MGAT4C: variants seen among roughly 807,000 people sequenced by gnomAD.
The protein encoded by MGAT4C is alpha-1,3-mannosyl-glycoprotein 4-beta-N-acetylglucosaminyltransferase C.
MGAT4C carries 19 observed loss-of-function variants against 40.1 expected under a neutral mutation model. That is an observed-to-expected ratio of 0.47 (90% CI 0.33 to 0.70). The LOEUF (loss-of-function observed/expected upper bound fraction) is 0.70, where lower values mean the gene tolerates loss of function less well. Ranked by LOEUF, MGAT4C falls within the 30% of genes least tolerant of loss-of-function variation. MGAT4C has a pLI of 0.02. For missense variants in MGAT4C, 491 were observed against 563.2 expected, an observed-to-expected ratio of 0.87 and a Z score of 1.30; for synonymous variants, 181 against 187.1, an observed-to-expected ratio of 0.97 and a Z score of 0.27.
chr12:86,686,797 T>C (rs1438003475), intron 2 of MGAT4C, among the ~76,000 whole-genome samples: 1 of 152,226 alleles, frequency 6.6e-6, no homozygotes, highest in Non-Finnish European at 1.5e-5. Context: ...TGAATTTTTC[T>C]CTTTTTGTTA....
At chr12:86,517,602 A>G (rs911573363) in intron 2 of MGAT4C, among the ~76,000 whole-genome samples, 5 of 152,112 alleles carry the variant, frequency 3.3e-5, no homozygotes, top group Admixed American at 6.6e-5. Context: ...TTTTGAGAGC[A>G]GAGCAAAGTG....
At chr12:86,180,891 G>A (rs1223335896) in intron 1 of MGAT4C, among the ~76,000 whole-genome samples, 1 of 152,114 alleles carries the variant, frequency 6.6e-6, no homozygotes, top group Non-Finnish European at 1.5e-5. Context: ...TGTTGAGAAG[G>A]CATGATTGAT....
intron 2 of MGAT4C, among the ~76,000 whole-genome samples, chr12:86,518,480 C>T (rs887523299): frequency 1.7e-4 from 26 of 152,180 alleles, no homozygotes; most frequent in African/African-American, 6.3e-4. Context: ...CAAATTAGCA[C>T]ATCAGTGAGA....
At chr12:85,997,476 C>T (rs1340085137) in intron 2 of MGAT4C, among the ~76,000 whole-genome samples, 2 of 152,170 alleles carry the variant, frequency 1.3e-5, no homozygotes, top group South Asian at 2.1e-4. Flanking sequence ...TCCAAAGTCT[C>T]ATCCGAGACA....
intron 3 of MGAT4C, among the ~76,000 whole-genome samples, chr12:86,397,185 C>A (rs894848334): frequency 5.9e-5 from 9 of 152,062 alleles, no homozygotes; most frequent in Non-Finnish European, 1.2e-4. Flanking sequence ...TTATGGAGAG[C>A]AGAAAATGAG....
chr12:86,289,130 G>C (rs955403766), intron 4 of MGAT4C, among the ~76,000 whole-genome samples: 3 of 152,114 alleles, frequency 2.0e-5, no homozygotes, highest in African/African-American at 7.2e-5. Flanking sequence ...CCTAGAGCTA[G>C]CAAGTTATCC....
intron 1 of MGAT4C, among the ~76,000 whole-genome samples, chr12:86,157,407 G>T (rs1395436677): frequency 2.0e-5 from 3 of 152,022 alleles, no homozygotes; most frequent in Non-Finnish European, 4.4e-5. Flanking sequence ...TAAAGGCAAT[G>T]CTTAAAGAAC....
chr12:86,212,659 C>G lies in MGAT4C; in HGVS notation c.-57+43580G>C, dbSNP rs1327212355. On this transcript the variant is annotated intron_variant, in intron 1 of 4. Coordinates refer to ENST00000611864, the MANE Select transcript of MGAT4C (RefSeq NM_001351288.2). ...ATCCCAGCACTTTGGGAGGCCGAGG[C>G]GGGCGGATCACGAGGTCAGGAGATC... Among the ~76,000 whole-genome samples, 3 of 147,768 alleles carry G rather than the reference C, an allele frequency of 2.0e-5. No homozygotes were observed. In the South Asian group the frequency reaches 6.5e-4, roughly 32 times the overall value.
At chr12:86,672,077 T>A (rs1424656847) in intron 2 of MGAT4C, among the ~76,000 whole-genome samples, 2 of 152,046 alleles carry the variant, frequency 1.3e-5, no homozygotes, top group African/African-American at 2.4e-5. Flanking sequence ...TGAAATAATA[T>A]CAAGAAACTT....
chr12:86,105,605 G>A (rs1394459791), intron 1 of MGAT4C, among the ~76,000 whole-genome samples: 4 of 152,092 alleles, frequency 2.6e-5, no homozygotes, highest in Admixed American at 1.3e-4. Flanking sequence ...ATCAGAAAAC[G>A]AATTCCATAC....
At chr12:86,040,639 C>T (rs1891718951) in intron 2 of MGAT4C, among the ~76,000 whole-genome samples, 1 of 151,738 alleles carries the variant, frequency 6.6e-6, no homozygotes, top group African/African-American at 2.4e-5. Flanking sequence ...CCACTTGGCT[C>T]CCTGGCTTCA....
intron 3 of MGAT4C, among the ~76,000 whole-genome samples, chr12:86,386,823 T>G (rs1346136528): frequency 6.6e-6 from 1 of 152,168 alleles, no homozygotes; most frequent in Non-Finnish European, 1.5e-5. Flanking sequence ...AATATCTTGA[T>G]AGAAATTGTC....
At chr12:86,469,615 T>G (rs886994184) in intron 2 of MGAT4C, among the ~76,000 whole-genome samples, 14 of 151,146 alleles carry the variant, frequency 9.3e-5, no homozygotes, top group African/African-American at 2.4e-4. Flanking sequence ...GTAATTGCGG[T>G]TTTTTTTTCC....
In MGAT4C at chr12:86,609,876, C is replaced by T. The variant is rs113519711; in HGVS notation, c.-229+117333G>A. ...GGGATGTAGAATATACCCCTAACAT[C>T]CAGGTGATTGTCTTCCCTCCAACTT... On this transcript the variant is annotated intron_variant, in intron 2 of 7. Coordinates refer to the MGAT4C transcript ENST00000548651. 3.5e-3 allele frequency among the ~76,000 whole-genome samples: 529 copies of T among 152,070 alleles called. 3 individuals carry two copies. The highest frequency in any genetic ancestry group is 0.012 in the African/African-American group (514 of 41,496).
chr12:86,642,476 T>C (rs1014836977), intron 2 of MGAT4C, among the ~76,000 whole-genome samples: 1 of 151,836 alleles, frequency 6.6e-6, no homozygotes, highest in Admixed American at 6.6e-5. Context: ...TGTGTTATGT[T>C]ATACATGATA....
intron 1 of MGAT4C, among the ~76,000 whole-genome samples, chr12:86,079,917 G>T (rs1344699601): frequency 6.6e-6 from 1 of 152,032 alleles, no homozygotes; most frequent in Non-Finnish European, 1.5e-5. Flanking sequence ...TCATTGAAAT[G>T]ATTAACTCAT....
At chr12:86,579,527 G>C (rs556785055) in intron 2 of MGAT4C, among the ~76,000 whole-genome samples, 1 of 151,360 alleles carries the variant, frequency 6.6e-6, no homozygotes, top group Admixed American at 6.6e-5. Context: ...AAGTTGTTGC[G>C]GTAATTATTT....
chr12:86,025,735 A>G (rs1890186138), intron 2 of MGAT4C, among the ~76,000 whole-genome samples: 1 of 151,724 alleles, frequency 6.6e-6, no homozygotes, highest in African/African-American at 2.4e-5. Flanking sequence ...ATATTATCAT[A>G]TCTATTTATT....
intron 3 of MGAT4C, among the ~76,000 whole-genome samples, chr12:86,399,034 C>T (rs1956308473): frequency 6.6e-6 from 1 of 152,116 alleles, no homozygotes; most frequent in African/African-American, 2.4e-5. Context: ...GCAGTGGCGC[C>T]ATCCTGACTC....
Sources: allele counts gnomAD v4.1 joint callset (sites outside exome capture counted in the v4.1 genomes callset), GRCh38; gene constraint gnomAD v4.1.1; transcripts MANE v1.5; gene names NCBI Gene and HGNC (gene_info 2026-07-23, HGNC 2026-07-21).